The following DUSP10 variants were observed in gnomAD, a reference collection of about 807,000 sequenced individuals.
DUSP10 encodes the protein dual specificity phosphatase 10, also known as dual specificity protein phosphatase 10.
Under a neutral mutation model 30.8 loss-of-function variants are expected in DUSP10, and 14 were observed. The observed-to-expected ratio is 0.46, with a 90% CI of 0.30 to 0.71. The LOEUF is 0.71. Ranked by LOEUF, DUSP10 falls within the 30% of genes least tolerant of loss-of-function variation. DUSP10 has a pLI of 0.08. For synonymous variants in DUSP10, 254 were observed against 250.4 expected, an observed-to-expected ratio of 1.01 and a Z score of -0.14; for missense variants, 550 against 619.4, an observed-to-expected ratio of 0.89 and a Z score of 1.19.
intron 2 of DUSP10, among the ~76,000 whole-genome samples, chr1:221,712,452 T>C (rs1033024820): frequency 3.3e-5 from 5 of 152,316 alleles, no homozygotes; most frequent in South Asian, 2.1e-4. Flanking sequence ...ATTTGACTGC[T>C]TCCCTCAAAC....
At chr1:221,705,494 G>A (rs1485779643) in intron 3 of DUSP10, among the ~76,000 whole-genome samples, 2 of 152,162 alleles carry the variant, frequency 1.3e-5, no homozygotes, top group Non-Finnish European at 2.9e-5. Flanking sequence ...CTTCCTTCTG[G>A]GGATCAAAGC....
chr1:221,736,647 G>A (rs932804360), intron 2 of DUSP10, among the ~76,000 whole-genome samples: 1 of 152,154 alleles, frequency 6.6e-6, no homozygotes, highest in South Asian at 2.1e-4. Flanking sequence ...ATAACGAAGG[G>A]CATTCTAATA....
In DUSP10 at chr1:221,739,222, T is replaced by G; in HGVS notation, c.523A>C (p.Ile175Leu). 1.2e-6 allele frequency: 2 copies of G among 1,614,204 alleles called. No individual in the cohort carries two copies. Among genetic ancestry groups the G allele is most frequent in the African/African-American group, 1.3e-5 (1 of 75,052 alleles). Reference sequence around the variant, plus strand: ...TACTCCATGAAGGGCCTGCAGTCAATGATGACAGGGCCCTGACTCGGCAGG... The same window carrying G: ...TACTCCATGAAGGGCCTGCAGTCAAGGATGACAGGGCCCTGACTCGGCAGG... Reference protein sequence around the residue: ...SHLPSQGPVIIDCRPFMEYNK... With the variant: ...SHLPSQGPVILDCRPFMEYNK... The change falls in exon 2 of 4, where the codon ATT becomes CTT. Residue 175 changes from isoleucine to leucine, a missense_variant. Physicochemically the swap from Ile to Leu is conservative, Grantham distance 5. Coordinates refer to ENST00000366899, the MANE Select transcript of DUSP10 (RefSeq NM_007207.6).
At chr1:221,731,154 T>C (rs1262812592) in intron 2 of DUSP10, among the ~76,000 whole-genome samples, 1 of 152,182 alleles carries the variant, frequency 6.6e-6, no homozygotes, top group Admixed American at 6.5e-5. Flanking sequence ...TGATGAGGGA[T>C]TCAAATCTTC....
intron 2 of DUSP10, among the ~76,000 whole-genome samples, chr1:221,718,236 C>A (rs1461617662): frequency 6.6e-6 from 1 of 152,046 alleles, no homozygotes; most frequent in Non-Finnish European, 1.5e-5. Context: ...GCACAGAAGC[C>A]CACTCCTCTC....
chr1:221,720,127 G>A (rs1292450026), intron 2 of DUSP10, among the ~76,000 whole-genome samples: 1 of 152,092 alleles, frequency 6.6e-6, no homozygotes, highest in African/African-American at 2.4e-5. Flanking sequence ...CTCTGCCCCT[G>A]GTTCCTGTAG....
chr1:221,739,689 C>T lies in DUSP10; in HGVS notation c.56G>A (p.Arg19Gln), dbSNP rs1047917515. ...TAAACAAAGGTTGAGATCCTGAGGT[C>T]GGACGGGCCTAGATAGTGCCACTAC... The part of the protein sequence containing the change: ...RVVVALSRPV[R>Q]PQDLNLCLDS... The change falls in exon 2 of 4, where the codon CGA becomes CAA. Residue 19 changes from arginine (R) to glutamine (Q), a missense_variant. By Grantham distance (43) the Arg-to-Gln change is conservative. Transcript: ENST00000366899. 4 of 1,613,572 alleles carry T rather than the reference C, an allele frequency of 2.5e-6. No individual in the cohort carries two copies. Among genetic ancestry groups the T allele is most frequent in the African/African-American group, 2.7e-5 (2 of 74,882 alleles).
rs11284226 is a variant in DUSP10 at position 221,726,702 on chromosome 1, G to GAA, written c.811+12230_811+12231dup. On this transcript the variant is annotated intron_variant, in intron 2 of 3. Coordinates refer to ENST00000366899, the MANE Select transcript of DUSP10 (RefSeq NM_007207.6). ...ATTTTTCAGCACAGCACTATTTCAG[G>GAA]AAAAAAAAAAAAAAAAACCCTATGT... 3.7e-3 allele frequency among the ~76,000 whole-genome samples: 435 copies of GAA among 116,814 alleles called. 9 individuals carry two copies. The highest frequency in any genetic ancestry group is 0.012 in the African/African-American group (401 of 34,698). The allele number at this position is 116,814 out of a possible 152,430, so 76.6% of individuals were successfully genotyped here.
At chr1:221,713,449 T>C (rs868631619) in intron 2 of DUSP10, among the ~76,000 whole-genome samples, 1 of 152,142 alleles carries the variant, frequency 6.6e-6, no homozygotes, top group African/African-American at 2.4e-5. Flanking sequence ...CAAAAATACA[T>C]TTCTGGTATA....
At chr1:221,724,531 A>G (rs1394664363) in intron 2 of DUSP10, among the ~76,000 whole-genome samples, 1 of 152,310 alleles carries the variant, frequency 6.6e-6, no homozygotes, top group South Asian at 2.1e-4. Flanking sequence ...CCTACAGCAC[A>G]TCTCTGTTTG....
chr1:221,737,569 T>G, intron 2 of DUSP10: 2 of 571,716 alleles, frequency 3.5e-6, no homozygotes, highest in Non-Finnish European at 4.4e-6. Context: ...TAGAAGCTTC[T>G]GGAACTCTCT....
chr1:221,713,915 A>G (rs957753601), intron 2 of DUSP10, among the ~76,000 whole-genome samples: 19 of 152,226 alleles, frequency 1.2e-4, no homozygotes, highest in African/African-American at 4.6e-4. Context: ...TTAATAAAAT[A>G]AAAAGATCTT....
At chr1:221,734,531 A>C (rs991108448) in intron 2 of DUSP10, among the ~76,000 whole-genome samples, 1 of 152,256 alleles carries the variant, frequency 6.6e-6, no homozygotes, top group Non-Finnish European at 1.5e-5. Flanking sequence ...CTTACCATGT[A>C]TGTGTATAAA....
rs758472596 is a variant in DUSP10, at chr1:221,706,478, A to G, written c.812-12T>C. ...ACTACTAAGTCCACCTAGAACACAA[A>G]CACAGAAGGTGAGTGTGACTGAGAT... On this transcript the variant is annotated splice_polypyrimidine_tract_variant and intron_variant, in intron 2 of 3. Transcript: ENST00000366899. This position sits in a 1 kb window ranked among gnomAD's most constrained non-coding sequence, Gnocchi z 4.6. 5 of 1,484,912 alleles carry G rather than the reference A, an allele frequency of 3.4e-6. No individual in the cohort carries two copies. In the South Asian group the frequency reaches 7.2e-5, roughly 21 times the overall value. The allele number at this position is 1,484,912 out of a possible 1,614,324, so 92.0% of individuals were successfully genotyped here.
At chr1:221,734,503 T>G (rs1353603228) in intron 2 of DUSP10, among the ~76,000 whole-genome samples, 1 of 152,250 alleles carries the variant, frequency 6.6e-6, no homozygotes, top group African/African-American at 2.4e-5. Context: ...AAAAACATTC[T>G]ACCATATTTA....
Position 221,701,506 on chromosome 1 carries a change from A to G in DUSP10, c.*906T>C, listed in dbSNP as rs2102606625. 6.8e-6 allele frequency: 1 copy of G among 147,938 alleles called. No homozygotes were observed. Among genetic ancestry groups the G allele is most frequent in the South Asian group, 2.1e-4 (1 of 4,720 alleles). 9.2% of individuals were successfully genotyped at this position (147,938 alleles called of 1,614,324 possible). A position where few individuals can be genotyped will look rare whatever the true frequency, so the allele number is the denominator to read the frequency against. On this transcript the variant is annotated 3_prime_UTR_variant, in exon 4 of 4. Transcript: ENST00000366899. ...GATTTTTTTTTTTTTTGCGAAAAAT[A>G]TTTTTAAATAAATTTTTTTTTCTTA...
At chr1:221,716,428 TA>T (rs1326093546) in intron 2 of DUSP10, among the ~76,000 whole-genome samples, 2 of 152,192 alleles carry the variant, frequency 1.3e-5, no homozygotes, top group Non-Finnish European at 2.9e-5. Flanking sequence ...TGCTCTCCCT[TA>T]ATCCTAGTCT....
chr1:221,723,998 G>T (rs566930553), intron 2 of DUSP10, among the ~76,000 whole-genome samples: 2 of 152,256 alleles, frequency 1.3e-5, no homozygotes, highest in South Asian at 4.1e-4. Context: ...CTGAGTCATC[G>T]CATTAACATA....
chr1:221,709,961 G>A (rs1171916783), intron 2 of DUSP10, among the ~76,000 whole-genome samples: 2 of 152,096 alleles, frequency 1.3e-5, no homozygotes, highest in Non-Finnish European at 2.9e-5. Context: ...AGTGTAGCAT[G>A]GAGGTTAAGA....
Sources: allele counts gnomAD v4.1 joint callset (sites outside exome capture counted in the v4.1 genomes callset), GRCh38; gene constraint gnomAD v4.1.1; non-coding constraint Gnocchi (gnomAD v3.1); transcripts MANE v1.5; gene names NCBI Gene and HGNC (gene_info 2026-07-23, HGNC 2026-07-21).